Variants in PLA2G1B observed in about 807,000 individuals in gnomAD.
PLA2G1B encodes the protein phospholipase A2 group IB, also known as phospholipase A2.
Under a neutral mutation model 12.5 loss-of-function variants are expected in PLA2G1B, and 12 were observed. The observed-to-expected ratio is 0.96, with a 90% CI of 0.62 to 1.56. The LOEUF is 1.56. Ranked by LOEUF, PLA2G1B falls within the 40% of genes most tolerant of loss-of-function variation. The pLI is 0.00. For synonymous variants in PLA2G1B, 81 were observed against 73.4 expected, an observed-to-expected ratio of 1.10 and a Z score of -0.53; for missense variants, 189 against 186.7, an observed-to-expected ratio of 1.01 and a Z score of -0.07.
At position 120,324,973 on chromosome 12, in the gene PLA2G1B, A is replaced by C; in HGVS notation, c.283T>G (p.Tyr95Asp). 1 of 1,614,120 alleles carries C rather than the reference A, an allele frequency of 6.2e-7. No individual in the cohort carries two copies. The highest frequency in any genetic ancestry group is 8.5e-7 in the Non-Finnish European group (1 of 1,180,002). Residue 95 changes from tyrosine (Y) to aspartate (D), a missense_variant, in exon 3 of 4, where the codon TAT becomes GAT. Coordinates refer to ENST00000308366, the MANE Select transcript of PLA2G1B (RefSeq NM_000928.3). ...FLLDNPYTHT[Y>D]SYSCSGSAIT... ...GCCGAGCCAGAGCACGAGTATGAAT[A>C]GGTGTGGGTGTACGGGTTGTCCAGC...
In PLA2G1B at chr12:120,325,126, C is replaced by T. The variant is rs1196989391; in HGVS notation, c.195-65G>A. ...AGAGCAATAGGTCAGCCCTCACCTGCCCACTCTCAGGAACAGGTGGGGATG... is the reference window on the plus strand; with the variant it reads ...AGAGCAATAGGTCAGCCCTCACCTGTCCACTCTCAGGAACAGGTGGGGATG... On this transcript the variant is annotated intron_variant, in intron 2 of 3. Coordinates refer to ENST00000308366, the MANE Select transcript of PLA2G1B (RefSeq NM_000928.3). The T allele has an allele frequency of 3.2e-6, 5 of 1,563,782 alleles. No homozygotes were observed. In the Admixed American group the frequency reaches 8.5e-5, roughly 27 times the overall value.
At chr12:120,326,636 A>T (rs577064172) in intron 1 of PLA2G1B, among the ~76,000 whole-genome samples, 1 of 150,070 alleles carries the variant, frequency 6.7e-6, no homozygotes, top group East Asian at 1.9e-4. Context: ...CTCTAACCTC[A>T]TGGAGCTTAC....
intron 1 of PLA2G1B, 44 bp from the exon 2 acceptor site, chr12:120,326,064 C>A: frequency 6.2e-7 from 1 of 1,602,026 alleles, no homozygotes; most frequent in Non-Finnish European, 8.5e-7. Flanking sequence ...CTGCCAGCAC[C>A]CCGGGGACAC....
chr12:120,325,524 C>A (rs1020065099), intron 2 of PLA2G1B, among the ~76,000 whole-genome samples: 8 of 152,120 alleles, frequency 5.3e-5, no homozygotes, highest in Non-Finnish European at 1.2e-4. Flanking sequence ...AACATGGTTG[C>A]AAGAATACAG....
chr12:120,326,173 G>A (rs1873343304), intron 1 of PLA2G1B, 153 bp from the exon 2 acceptor site: 1 of 513,550 alleles, frequency 1.9e-6, no homozygotes, highest in East Asian at 3.3e-5. Flanking sequence ...TAAAGTGAAA[G>A]TGGGTAGAGG....
In PLA2G1B at chr12:120,324,965, G is replaced by T. The variant is rs1454485135; in HGVS notation, c.291C>A (p.Tyr97Ter). The change falls in exon 3 of 4, where the codon TAC becomes TAA. Residue 97 changes from tyrosine (Y) to a stop codon, truncating the protein, a stop_gained. Transcript: ENST00000308366. LOFTEE classifies it low-confidence loss of function (END_TRUNC). Reference protein sequence around the residue: ...LDNPYTHTYSYSCSGSAITCS... With the variant: ...LDNPYTHTYS ...AGGTGATTGCCGAGCCAGAGCACGAGTATGAATAGGTGTGGGTGTACGGGT... is the reference window on the plus strand; with the variant it reads ...AGGTGATTGCCGAGCCAGAGCACGATTATGAATAGGTGTGGGTGTACGGGT... 1.9e-6 allele frequency: 3 copies of T among 1,614,014 alleles called. No homozygotes were observed. The South Asian group carries it at 3.3e-5, about 18-fold the overall frequency.
Position 120,322,197 on chromosome 12 carries a change from C to T in PLA2G1B, c.443G>A (p.Ser148Asn). ...GATGCTTTTGAGAGGTGATATTCAA[C>T]TCTGACAATACTTCTTGGTGTCCAG... ...KNLDTKKYCQ[S>N] The change falls in exon 4 of 4, where the codon AGT (serine) becomes AAT (asparagine). Residue 148 changes from serine to asparagine, a missense_variant. Transcript: ENST00000308366. The T allele has an allele frequency of 6.2e-7, 1 of 1,614,006 alleles. No homozygotes were observed. The highest frequency in any genetic ancestry group is 8.5e-7 in the Non-Finnish European group (1 of 1,179,944).
rs1421462546 is a variant in PLA2G1B, at chr12:120,325,991, G to A, written c.64C>T (p.Arg22Trp). 1.2e-6 allele frequency: 2 copies of A among 1,613,936 alleles called. No individual in the cohort carries two copies. Among genetic ancestry groups the A allele is most frequent in the African/African-American group, 1.3e-5 (1 of 74,894 alleles). The change falls in exon 2 of 4, where the codon CGG becomes TGG. Residue 22 changes from arginine (R) to tryptophan (W), a missense_variant. By Grantham distance (101) the Arg-to-Trp change is moderately radical. Transcript: ENST00000308366. ...VAAADSGISP[R>W]AVWQFRKMIK... ...ATTTTGCGGAACTGCCACACGGCCC[G>A]AGGGCTGATGCCGCTGTCGGCGGCG...
At chr12:120,325,115 G>T in intron 2 of PLA2G1B, 54 bp from the exon 3 acceptor site, 1 of 1,590,612 alleles carries the variant, frequency 6.3e-7, no homozygotes, top group South Asian at 1.1e-5. Flanking sequence ...CAATAGGTCA[G>T]CCCTCACCTG....
chr12:120,327,712 T>G lies in PLA2G1B; in HGVS notation c.34+8A>C. On this transcript the variant is annotated splice_region_variant and intron_variant, in intron 1 of 3. Coordinates refer to ENST00000308366, the MANE Select transcript of PLA2G1B (RefSeq NM_000928.3). Reference sequence around the variant, plus strand: ...GAAAGGCGGGTGGAGCCGGGGAGACTTGCCTACCTGTGAGCAGCACAGCTA... The same window carrying G: ...GAAAGGCGGGTGGAGCCGGGGAGACGTGCCTACCTGTGAGCAGCACAGCTA... 6.2e-7 allele frequency: 1 copy of G among 1,613,762 alleles called. No individual in the cohort carries two copies.
intron 1 of PLA2G1B, 75 bp downstream of exon 1, chr12:120,327,645 G>T: frequency 7.1e-7 from 1 of 1,409,746 alleles, no homozygotes; most frequent in Non-Finnish European, 1.0e-6. Context: ...GTGGCCTGTG[G>T]CCCCCATTCC....
At chr12:120,325,643 C>T (rs930002603) in intron 2 of PLA2G1B, among the ~76,000 whole-genome samples, 4 of 152,194 alleles carry the variant, frequency 2.6e-5, no homozygotes, top group East Asian at 3.8e-4. Context: ...AGGGCAGCAT[C>T]GCCCACTGTT....
At chr12:120,325,112 T>C in intron 2 of PLA2G1B, 51 bp from the exon 3 acceptor site, 1 of 1,608,276 alleles carries the variant, frequency 6.2e-7, no homozygotes, top group Non-Finnish European at 8.5e-7. Context: ...GAGCAATAGG[T>C]CAGCCCTCAC....
At position 120,325,058 on chromosome 12, in the gene PLA2G1B, G is replaced by A; in HGVS notation, c.198C>T (p.Cys66=). The change falls in exon 3 of 4, where the codon TGC becomes TGT. Residue 66 remains cysteine, a synonymous_variant. Transcript: ENST00000308366. ...CATAGCAGTTGTCATGTGTCTGGCA[G>A]CACCTGGAAAGTGGGAGGGACAGCT... ...SGTPVDELDK[C]CQTHDNCYDQ... is the part of the protein sequence containing the mutation. 6.2e-7 allele frequency: 1 copy of A among 1,614,050 alleles called. No homozygotes were observed.
At chr12:120,324,064 C>T (rs1350986738) in intron 3 of PLA2G1B, among the ~76,000 whole-genome samples, 2 of 152,132 alleles carry the variant, frequency 1.3e-5, no homozygotes, top group Non-Finnish European at 2.9e-5. Context: ...ATAATTCCAG[C>T]ACTTTGGGAG....
chr12:120,326,699 G>C (rs1354999463), intron 1 of PLA2G1B, among the ~76,000 whole-genome samples: 1 of 151,730 alleles, frequency 6.6e-6, no homozygotes, highest in Non-Finnish European at 1.5e-5. Flanking sequence ...GGCCGGGCAC[G>C]GTGGCTCATG....
chr12:120,323,259 CT>C (rs1390597761), intron 3 of PLA2G1B, among the ~76,000 whole-genome samples: 4 of 151,748 alleles, frequency 2.6e-5, no homozygotes, highest in Admixed American at 2.6e-4. Context: ...CTCTCCGATC[CT>C]TTATTTTATT....
At chr12:120,322,895 T>C (rs1873265921) in intron 3 of PLA2G1B, among the ~76,000 whole-genome samples, 1 of 152,154 alleles carries the variant, frequency 6.6e-6, no homozygotes, top group Non-Finnish European at 1.5e-5. Flanking sequence ...CTAGTTTCTC[T>C]ACTTTAAAGC....
chr12:120,326,180 G>T, intron 1 of PLA2G1B, 160 bp from the exon 2 acceptor site: 1 of 400,006 alleles, frequency 2.5e-6, no homozygotes. Flanking sequence ...AAAGTGGGTA[G>T]AGGTTTTTTT....
Sources: allele counts gnomAD v4.1 joint callset (sites outside exome capture counted in the v4.1 genomes callset), GRCh38; gene constraint gnomAD v4.1.1; transcripts MANE v1.5; gene names NCBI Gene and HGNC (gene_info 2026-07-23, HGNC 2026-07-21).